Variants in CLECL1 observed in about 807,000 individuals in gnomAD.
The protein encoded by CLECL1 is C-type lectin-like domain family 1.
downstream of CLECL1, among the ~76,000 whole-genome samples, chr12:9,712,427 C>A (rs1339322341): frequency 6.6e-6 from 1 of 152,210 alleles, no homozygotes; most frequent in African/African-American, 2.4e-5. Flanking sequence ...TCCTATAGTT[C>A]TTTTTAGTGC....
At chr12:9,722,693 C>T in exon 4 of CLECL1, 1 of 1,613,872 alleles carries the variant, frequency 6.2e-7, no homozygotes. Context: ...GTTTATGGCA[C>T]AGTCATTTTG....
chr12:9,716,622 C>T (rs760404572), exon 3 of CLECL1: 10 of 313,546 alleles, frequency 3.2e-5, no homozygotes, highest in South Asian at 2.4e-4. Context: ...TCCTCTTGCT[C>T]AAGCTGGGAT....
At chr12:9,710,860 G>C (rs1866194142), downstream of CLECL1, among the ~76,000 whole-genome samples, 1 of 152,120 alleles carries the variant, frequency 6.6e-6, no homozygotes, top group South Asian at 2.1e-4. Flanking sequence ...TCTCCCTTCT[G>C]ACTCTCCCAT....
downstream of CLECL1, among the ~76,000 whole-genome samples, chr12:9,712,554 T>C (rs1308247166): frequency 1.3e-5 from 2 of 152,212 alleles, no homozygotes; most frequent in African/African-American, 4.8e-5. Context: ...TTTCATGTTT[T>C]ATTGCACTAA....
chr12:9,728,234 T>C (rs1456621560), intron 2 of CLECL1, among the ~76,000 whole-genome samples: 1 of 151,856 alleles, frequency 6.6e-6, no homozygotes, highest in Non-Finnish European at 1.5e-5. Flanking sequence ...CAATGTATAT[T>C]AGGTTATTAG....
downstream of CLECL1, among the ~76,000 whole-genome samples, chr12:9,718,096 C>T (rs900009279): frequency 3.9e-5 from 6 of 152,068 alleles, no homozygotes; most frequent in Admixed American, 1.3e-4. Context: ...TGTTTAACTT[C>T]TAAATATTTA....
downstream of CLECL1, among the ~76,000 whole-genome samples, chr12:9,719,588 CTAAA>C (rs924236331): frequency 2.0e-5 from 3 of 152,106 alleles, no homozygotes; most frequent in East Asian, 1.9e-4. Flanking sequence ...ATGCCCATCT[CTAAA>C]TAAATAAATA....
intron 1 of CLECL1, among the ~76,000 whole-genome samples, chr12:9,730,685 CT>C (rs1226160609): frequency 6.6e-6 from 1 of 151,774 alleles, no homozygotes; most frequent in African/African-American, 2.4e-5. Context: ...CTTTTTCTTT[CT>C]TTTTTTCTTT....
At chr12:9,731,137 G>A (rs1301470094) in intron 1 of CLECL1, among the ~76,000 whole-genome samples, 1 of 152,048 alleles carries the variant, frequency 6.6e-6, no homozygotes, top group Non-Finnish European at 1.5e-5. Flanking sequence ...TAAATTTCTG[G>A]GATATTCTCA....
intron 3 of CLECL1, among the ~76,000 whole-genome samples, chr12:9,724,399 G>A (rs996784674): frequency 2.0e-5 from 3 of 152,050 alleles, no homozygotes; most frequent in Non-Finnish European, 4.4e-5. Context: ...AGGATGATGT[G>A]GAAGTTAGAA....
chr12:9,707,106 T>G, the CLECL1 span, among the ~76,000 whole-genome samples: 1 of 152,186 alleles, frequency 6.6e-6, no homozygotes, highest in Non-Finnish European at 1.5e-5. Flanking sequence ...GTCCAGAAAT[T>G]TATCCATTTC....
chr12:9,716,860 C>A (rs1281591146), intron 2 of CLECL1: 2 of 728,316 alleles, frequency 2.7e-6, no homozygotes, highest in East Asian at 6.7e-5. Context: ...TATTATGGGA[C>A]CATCCTAGAA....
At chr12:9,730,472 A>G (rs1048561955) in intron 1 of CLECL1, among the ~76,000 whole-genome samples, 3 of 152,192 alleles carry the variant, frequency 2.0e-5, no homozygotes, top group Admixed American at 6.5e-5. Flanking sequence ...ACTAAATGGA[A>G]TGTTTATTTG....
chr12:9,710,821 C>T, the CLECL1 span, among the ~76,000 whole-genome samples: 1 of 152,168 alleles, frequency 6.6e-6, no homozygotes, highest in Non-Finnish European at 1.5e-5. Context: ...GTCTGGGCCA[C>T]TGAGCAGCCT....
chr12:9,733,098 A>C, upstream of CLECL1: 2 of 1,585,540 alleles, frequency 1.3e-6, no homozygotes, highest in Middle Eastern at 1.7e-4. Context: ...ATATTTCTGC[A>C]AAGAAACTTC....
downstream of CLECL1, among the ~76,000 whole-genome samples, chr12:9,712,439 TG>T (rs1866206460): frequency 6.6e-6 from 1 of 152,248 alleles, no homozygotes; most frequent in Admixed American, 6.5e-5. Flanking sequence ...TTTTAGTGCC[TG>T]TTGCACCATA....
At chr12:9,724,084 G>A (rs775964974) in intron 3 of CLECL1, among the ~76,000 whole-genome samples, 2 of 151,706 alleles carry the variant, frequency 1.3e-5, no homozygotes, top group African/African-American at 4.8e-5. Context: ...CTACTCGGGA[G>A]GCTGAGGCAA....
the CLECL1 span, among the ~76,000 whole-genome samples, chr12:9,703,375 G>GTTATTTA: frequency 6.8e-6 from 1 of 147,956 alleles, no homozygotes; most frequent in Non-Finnish European, 1.5e-5. Flanking sequence ...TTTGTGCTAG[G>GTTATTTA]TTATTTATTT....
the CLECL1 span, among the ~76,000 whole-genome samples, chr12:9,703,179 ATAGAG>A: frequency 2.6e-4 from 39 of 152,332 alleles, no homozygotes; most frequent in African/African-American, 8.7e-4. Context: ...ACTAAATTGA[ATAGAG>A]TAAAGTTATT....
Sources: gnomAD v4.1 joint callset for allele counts (sites outside exome capture counted in the v4.1 genomes callset) on GRCh38, gnomAD v4.1.1 for gene constraint, MANE v1.5 for transcripts, NCBI Gene and HGNC (gene_info 2026-07-23, HGNC 2026-07-21) for gene names.